Variants in CNTN5 observed in about 807,000 individuals in gnomAD.
CNTN5 encodes contactin-5.
A neutral mutation model predicts 129.1 loss-of-function variants in CNTN5; 77 were observed. The observed-to-expected ratio is 0.60, with a 90% CI of 0.50 to 0.72. The LOEUF (loss-of-function observed/expected upper bound fraction) is 0.72. CNTN5 is among the 30% of genes least tolerant of loss of function. The probability of loss-of-function intolerance (pLI) is 0.00; values close to 1 mark genes in which losing one functional copy is unlikely to be tolerated. For missense variants in CNTN5, 1,478 were observed against 1,328.8 expected (o/e 1.11, Z -1.75); for synonymous variants, 509 against 465.6 (o/e 1.09, Z -1.20).
Position 99,740,581 on chromosome 11 carries a change from G to A in CNTN5, c.56-78963G>A, listed in dbSNP as rs972761432. 2.0e-5 allele frequency among the ~76,000 whole-genome samples: 3 copies of A among 152,086 alleles called. No individual in the cohort carries two copies. In the East Asian group the frequency reaches 5.8e-4, roughly 29 times the overall value. On this transcript the variant is annotated intron_variant, in intron 3 of 24. Transcript: ENST00000524871. Reference sequence around the variant, plus strand: ...GGAGATTTGAATGAATTAGAAGGAGGCTTCCTTTCCTCTTGATGTTTGTAG... The same window carrying A: ...GGAGATTTGAATGAATTAGAAGGAGACTTCCTTTCCTCTTGATGTTTGTAG...
intron 13 of CNTN5, among the ~76,000 whole-genome samples, chr11:100,130,131 C>T (rs1946327902): frequency 6.6e-6 from 1 of 152,006 alleles, no homozygotes; most frequent in South Asian, 2.1e-4. Flanking sequence ...CAAATTAAAC[C>T]CACACTTTCT....
chr11:99,350,334 T>C (rs370490608), intron 2 of CNTN5, among the ~76,000 whole-genome samples: 120 of 152,320 alleles, frequency 7.9e-4, no homozygotes, highest in African/African-American at 2.8e-3. Context: ...ATTTTAGATG[T>C]TGGAACTCAC....
intron 1 of CNTN5, among the ~76,000 whole-genome samples, chr11:99,300,099 A>G (rs903561291): frequency 3.3e-5 from 5 of 151,948 alleles, no homozygotes; most frequent in African/African-American, 1.2e-4. Context: ...TGACAGGTTG[A>G]CGCCTTTTAT....
At chr11:100,159,998 A>G (rs753248022) in intron 13 of CNTN5, among the ~76,000 whole-genome samples, 2 of 151,844 alleles carry the variant, frequency 1.3e-5, no homozygotes, top group Non-Finnish European at 2.9e-5. Context: ...TTACATAGGT[A>G]TACACGTGCC....
intron 6 of CNTN5, among the ~76,000 whole-genome samples, chr11:99,847,719 A>C (rs1235517159): frequency 6.6e-6 from 1 of 152,154 alleles, no homozygotes; most frequent in Admixed American, 6.5e-5. Context: ...ATAAATGCAA[A>C]TATGGGCAGT....
chr11:99,430,079 C>T (rs1943300293), intron 2 of CNTN5, among the ~76,000 whole-genome samples: 1 of 151,900 alleles, frequency 6.6e-6, no homozygotes, highest in African/African-American at 2.4e-5. Flanking sequence ...AGCAGAAGAC[C>T]TCAAAAGAGG....
chr11:99,401,333 C>T (rs1331215730), intron 2 of CNTN5, among the ~76,000 whole-genome samples: 1 of 152,070 alleles, frequency 6.6e-6, no homozygotes, highest in Non-Finnish European at 1.5e-5. Context: ...TTACTGAAGA[C>T]ACTGTCTTTT....
intron 1 of CNTN5, among the ~76,000 whole-genome samples, chr11:99,298,794 T>C (rs1480585730): frequency 6.6e-6 from 1 of 152,060 alleles, no homozygotes; most frequent in Non-Finnish European, 1.5e-5. Flanking sequence ...AAGACACCTC[T>C]GACCAGAAAC....
At chr11:99,314,764 G>T (rs1865268714) in intron 1 of CNTN5, among the ~76,000 whole-genome samples, 1 of 128,824 alleles carries the variant, frequency 7.8e-6, no homozygotes, top group Non-Finnish European at 1.8e-5. Context: ...AGAAGAAGAG[G>T]ATGGGGAGGA....
At chr11:100,298,530 C>G (rs1325870782) in intron 19 of CNTN5, among the ~76,000 whole-genome samples, 1 of 151,154 alleles carries the variant, frequency 6.6e-6, no homozygotes, top group Non-Finnish European at 1.5e-5. Context: ...TATTGAGTAT[C>G]TAGTGTGTGT....
intron 7 of CNTN5, among the ~76,000 whole-genome samples, chr11:99,918,999 C>T (rs1275546426): frequency 6.6e-6 from 1 of 152,168 alleles, no homozygotes; most frequent in East Asian, 1.9e-4. Flanking sequence ...TTAGATTGTG[C>T]AGTCCAACTC....
intron 13 of CNTN5, among the ~76,000 whole-genome samples, chr11:100,150,283 G>A (rs996789744): frequency 6.6e-6 from 1 of 152,014 alleles, no homozygotes; most frequent in Admixed American, 6.6e-5. Context: ...TACAAGTGAC[G>A]AGGCATTAGA....
intron 13 of CNTN5, among the ~76,000 whole-genome samples, chr11:100,185,135 C>T (rs1372462487): frequency 6.6e-6 from 1 of 152,144 alleles, no homozygotes; most frequent in African/African-American, 2.4e-5. Flanking sequence ...TCATAAATTA[C>T]CCAGTCTCAG....
chr11:99,312,989 A>C (rs528216962), intron 1 of CNTN5, among the ~76,000 whole-genome samples: 4 of 152,168 alleles, frequency 2.6e-5, no homozygotes, highest in African/African-American at 9.6e-5. Flanking sequence ...GCTAATAAGT[A>C]AGAGATAAAA....
intron 2 of CNTN5, among the ~76,000 whole-genome samples, chr11:99,508,405 C>T (rs1163232640): frequency 2.0e-5 from 3 of 151,936 alleles, no homozygotes; most frequent in African/African-American, 4.8e-5. Context: ...ATGTGGAACC[C>T]GTGGACACAG....
chr11:99,709,835 A>C (rs2134942312), intron 3 of CNTN5, among the ~76,000 whole-genome samples: 1 of 151,972 alleles, frequency 6.6e-6, no homozygotes, highest in South Asian at 2.1e-4. Context: ...CCCTGAGAAA[A>C]GGAATTAGAG....
At chr11:99,758,409 T>C (rs2000565) in intron 3 of CNTN5, among the ~76,000 whole-genome samples, 4,811 of 152,104 alleles carry the variant, frequency 0.032, 197 homozygotes, top group Admixed American at 0.091. Flanking sequence ...ATATAAAGCA[T>C]TATTAGGAAA....
intron 9 of CNTN5, among the ~76,000 whole-genome samples, chr11:100,040,718 T>C (rs1408497122): frequency 6.6e-6 from 1 of 152,166 alleles, no homozygotes; most frequent in Non-Finnish European, 1.5e-5. Context: ...TGCAGTTTGA[T>C]CTTGGACTGC....
intron 6 of CNTN5, among the ~76,000 whole-genome samples, chr11:99,850,575 AC>A: frequency 6.6e-6 from 1 of 152,118 alleles, no homozygotes; most frequent in Non-Finnish European, 1.5e-5. Flanking sequence ...TAATAATGTT[AC>A]TTTATTAACA....
Sources: gnomAD v4.1 joint callset for allele counts (sites outside exome capture counted in the v4.1 genomes callset) on GRCh38, gnomAD v4.1.1 for gene constraint, MANE v1.5 for transcripts, NCBI Gene and HGNC (gene_info 2026-07-23, HGNC 2026-07-21) for gene names.